RAPGEF5: variants seen among roughly 807,000 people sequenced by gnomAD.
RAPGEF5 encodes M-Ras-regulated GEF.
In RAPGEF5, 65 loss-of-function variants were observed where a neutral mutation model predicts 125.2. The observed-to-expected ratio is 0.52, with a 90% CI of 0.43 to 0.64. The LOEUF (loss-of-function observed/expected upper bound fraction) is 0.64, where lower values mean the gene tolerates loss of function less well. Among genes scored for constraint, RAPGEF5 ranks in the 30% least tolerant of loss-of-function variants. RAPGEF5 has a pLI of 0.00. For missense variants in RAPGEF5, 958 were observed against 1,048.1 expected, an observed-to-expected ratio of 0.91 and a Z score of 1.19; for synonymous variants, 391 against 385.9, an observed-to-expected ratio of 1.01 and a Z score of -0.16.
At chr7:22,162,736 C>T (rs1047355604) in intron 12 of RAPGEF5, among the ~76,000 whole-genome samples, 195 bp from the exon 13 acceptor site, 5 of 152,160 alleles carry the variant, frequency 3.3e-5, no homozygotes, top group Non-Finnish European at 7.3e-5. Context: ...CTGAAGTATA[C>T]TCGGTAGGCA....
At chr7:22,331,670 G>A (rs1417816261) in intron 1 of RAPGEF5, among the ~76,000 whole-genome samples, 3 of 151,526 alleles carry the variant, frequency 2.0e-5, no homozygotes, top group Non-Finnish European at 2.9e-5. Context: ...GCGTGAACCC[G>A]GGAGGCGGAG....
chr7:22,345,195 T>C (rs1784199476), intron 1 of RAPGEF5, among the ~76,000 whole-genome samples: 1 of 152,214 alleles, frequency 6.6e-6, no homozygotes, highest in Non-Finnish European at 1.5e-5. Context: ...TCAGAGACCC[T>C]GGACTGAGAA....
intron 20 of RAPGEF5, among the ~76,000 whole-genome samples, chr7:22,141,703 A>G (rs1783267123): frequency 6.6e-6 from 1 of 152,182 alleles, no homozygotes; most frequent in Admixed American, 6.5e-5. Flanking sequence ...CTTGCTGCTG[A>G]GCCTCCACTG....
At chr7:22,348,938 T>A (rs556609700) in intron 1 of RAPGEF5, among the ~76,000 whole-genome samples, 118 of 150,476 alleles carry the variant, frequency 7.8e-4, no homozygotes, top group African/African-American at 2.7e-3. Context: ...AATACAAAAA[T>A]TAGCCAGGTG....
intron 11 of RAPGEF5, among the ~76,000 whole-genome samples, chr7:22,181,314 A>T (rs1784666532): frequency 1.3e-5 from 2 of 152,184 alleles, no homozygotes; most frequent in African/African-American, 4.8e-5. Flanking sequence ...ATTGAAAGGG[A>T]TATAATAAGA....
chr7:22,134,777 C>A (rs763596661), intron 23 of RAPGEF5, among the ~76,000 whole-genome samples: 1 of 152,202 alleles, frequency 6.6e-6, no homozygotes, highest in Admixed American at 6.5e-5. Flanking sequence ...AAAGCACAGA[C>A]CTTCTCTTAA....
intron 11 of RAPGEF5, among the ~76,000 whole-genome samples, chr7:22,186,050 T>C (rs1015847040): frequency 6.6e-6 from 1 of 152,110 alleles, no homozygotes; most frequent in South Asian, 2.1e-4. Flanking sequence ...GGTCTCGAAC[T>C]CCTGACCTCA....
At position 22,119,622 on chromosome 7, in the gene RAPGEF5, C is replaced by T. The variant is rs928516995; in HGVS notation, c.*2784G>A. 3 of 152,180 alleles carry T rather than the reference C, an allele frequency of 2.0e-5. No individual in the cohort carries two copies. Among genetic ancestry groups the T allele is most frequent in the Non-Finnish European group, 2.9e-5 (2 of 68,038 alleles). 9.4% of individuals were successfully genotyped at this position (152,180 alleles called of 1,614,324 possible). On this transcript the variant is annotated 3_prime_UTR_variant, in exon 26 of 26. Transcript: ENST00000665637. The surrounding 1 kb of genome is among the most constrained non-coding windows in gnomAD (Gnocchi z 4.1). ...GCTGGAATGCTGACGAATCCAAAGA[C>T]CCACAGGACTGTCTGAGAGTTGTGC...
intron 25 of RAPGEF5, among the ~76,000 whole-genome samples, chr7:22,124,628 C>A (rs766837746): frequency 6.6e-6 from 1 of 152,116 alleles, no homozygotes; most frequent in Non-Finnish European, 1.5e-5. Flanking sequence ...AAGTAGGACT[C>A]TGATTTTCTA....
chr7:22,177,025 C>T (rs144861197), intron 11 of RAPGEF5, among the ~76,000 whole-genome samples: 3 of 152,274 alleles, frequency 2.0e-5, no homozygotes, highest in African/African-American at 7.2e-5. Flanking sequence ...TTCAATAACA[C>T]ACAGCTGCTT....
intron 1 of RAPGEF5, among the ~76,000 whole-genome samples, chr7:22,332,991 T>A (rs1203774250): frequency 2.0e-5 from 3 of 152,174 alleles, no homozygotes; most frequent in Non-Finnish European, 4.4e-5. Flanking sequence ...CACACAAACA[T>A]ATGTGTGTAG....
intron 1 of RAPGEF5, among the ~76,000 whole-genome samples, chr7:22,331,324 T>C (rs975256924): frequency 1.3e-5 from 2 of 152,198 alleles, no homozygotes; most frequent in Non-Finnish European, 2.9e-5. Context: ...GATTGAATCT[T>C]ATTTCTTTTT....
intron 6 of RAPGEF5, among the ~76,000 whole-genome samples, chr7:22,279,788 G>C (rs1782633923): frequency 6.6e-6 from 1 of 152,188 alleles, no homozygotes; most frequent in Admixed American, 6.5e-5. Context: ...CAAGTCAAAT[G>C]ACAGGGGTCT....
At chr7:22,252,384 C>G (rs150060565) in intron 7 of RAPGEF5, among the ~76,000 whole-genome samples, 54 of 152,328 alleles carry the variant, frequency 3.5e-4, no homozygotes, top group African/African-American at 1.2e-3. Flanking sequence ...CACAGCTTGA[C>G]TGAAGTGCCC....
chr7:22,305,310 T>C (rs1218188808), intron 5 of RAPGEF5, among the ~76,000 whole-genome samples: 1 of 152,220 alleles, frequency 6.6e-6, no homozygotes, highest in Non-Finnish European at 1.5e-5. Context: ...ACCTTTCTAT[T>C]AGCACAGTCT....
intron 7 of RAPGEF5, among the ~76,000 whole-genome samples, chr7:22,252,164 A>T (rs1786639601): frequency 6.6e-6 from 1 of 152,244 alleles, no homozygotes; most frequent in African/African-American, 2.4e-5. Context: ...CAGGCTTAGC[A>T]ATGTGTATAA....
rs1782564660 is a variant in RAPGEF5 at position 22,120,987 on chromosome 7, T to G, written c.*1419A>C. 3 of 152,124 alleles carry G rather than the reference T, an allele frequency of 2.0e-5. No individual in the cohort carries two copies. 9.4% of individuals were successfully genotyped at this position (152,124 alleles called of 1,614,324 possible). A position where few individuals can be genotyped will look rare whatever the true frequency, so the allele number is the denominator to read the frequency against. On this transcript the variant is annotated 3_prime_UTR_variant, in exon 26 of 26. Coordinates refer to ENST00000665637, the MANE Select transcript of RAPGEF5 (RefSeq NM_012294.5). The surrounding 1 kb of genome is among the most constrained non-coding windows in gnomAD (Gnocchi z 4.0). Reference sequence around the variant, plus strand: ...ATGAACAGGCAGGAAGAGTGAGAAGTGCACCAAGACTCCTGCATTTGGAAA... The same window carrying G: ...ATGAACAGGCAGGAAGAGTGAGAAGGGCACCAAGACTCCTGCATTTGGAAA...
At chr7:22,132,335 A>G (rs939634960) in intron 23 of RAPGEF5, among the ~76,000 whole-genome samples, 21 of 151,062 alleles carry the variant, frequency 1.4e-4, no homozygotes, top group Non-Finnish European at 2.5e-4. Context: ...ACAGCTTCCA[A>G]TGTGGACTGA....
intron 1 of RAPGEF5, among the ~76,000 whole-genome samples, chr7:22,327,135 C>T (rs1783829415): frequency 6.6e-6 from 1 of 152,094 alleles, no homozygotes; most frequent in Non-Finnish European, 1.5e-5. Flanking sequence ...ATGCTAAAGG[C>T]CAAATATACA....
Sources: gnomAD v4.1 joint callset for allele counts (sites outside exome capture counted in the v4.1 genomes callset) on GRCh38, gnomAD v4.1.1 for gene constraint, Gnocchi (gnomAD v3.1) non-coding constraint, MANE v1.5 for transcripts, NCBI Gene and HGNC (gene_info 2026-07-23, HGNC 2026-07-21) for gene names.